Variants in MAD1L1 observed in about 807,000 individuals in gnomAD.
MAD1L1 encodes mitotic arrest deficient 1 like 1, also known as mitotic spindle assembly checkpoint protein MAD1.
MAD1L1 carries 95 observed loss-of-function variants against 96.9 expected under a neutral mutation model. That is an observed-to-expected ratio of 0.98 (90% CI 0.83 to 1.16). The LOEUF (loss-of-function observed/expected upper bound fraction) is 1.16, where lower values mean the gene tolerates loss of function less well. Ranked by LOEUF, MAD1L1 falls within the 50% of genes most tolerant of loss-of-function variation. The probability of loss-of-function intolerance (pLI) is 0.00; values close to 1 mark genes in which losing one functional copy is unlikely to be tolerated. For missense variants in MAD1L1, 1,007 were observed against 954.4 expected (o/e 1.06, Z -0.73); for synonymous variants, 473 against 396.6 (o/e 1.19, Z -2.29).
At chr7:2,109,780 T>C (rs1409374150) in intron 11 of MAD1L1, among the ~76,000 whole-genome samples, 2 of 152,258 alleles carry the variant, frequency 1.3e-5, no homozygotes, top group Non-Finnish European at 2.9e-5. Flanking sequence ...AATGTTGCCA[T>C]TACAAGTGCT....
At chr7:1,907,574 G>A (rs1214668249) in intron 17 of MAD1L1, among the ~76,000 whole-genome samples, 1 of 152,220 alleles carries the variant, frequency 6.6e-6, no homozygotes, top group African/African-American at 2.4e-5. Context: ...CACGGGGCCA[G>A]GAGGAAGGGA....
Position 2,072,386 on chromosome 7 carries a change from C to G in MAD1L1, c.1074-3048G>C, listed in dbSNP as rs1785175280. On this transcript the variant is annotated intron_variant, in intron 11 of 18. Coordinates refer to ENST00000265854, the MANE Select transcript of MAD1L1 (RefSeq NM_001013836.2). ...CGCCTCGGAAAGCCCTACACTGACA[C>G]TGGCCCCAGGTGCAGCACTGGCCAG... is the stretch of plus-strand genomic sequence containing the variant. 1.3e-5 allele frequency among the ~76,000 whole-genome samples: 2 copies of G among 152,254 alleles called. 1 individual carries two copies. Among genetic ancestry groups the G allele is most frequent in the South Asian group, 4.1e-4 (2 of 4,834 alleles).
intron 18 of MAD1L1, among the ~76,000 whole-genome samples, chr7:1,881,129 T>G (rs574386255): frequency 6.6e-6 from 1 of 152,288 alleles, no homozygotes; most frequent in Admixed American, 6.5e-5. Flanking sequence ...GACAAAGTCC[T>G]CCCAGCTCTG....
intron 16 of MAD1L1, among the ~76,000 whole-genome samples, chr7:1,938,269 C>T (rs1021915433): frequency 6.6e-6 from 1 of 151,638 alleles, no homozygotes; most frequent in African/African-American, 2.4e-5. Context: ...AAACAACAGC[C>T]GCCCACGGCA....
intron 10 of MAD1L1, among the ~76,000 whole-genome samples, chr7:2,203,399 G>A (rs1432385662): frequency 3.9e-5 from 6 of 152,234 alleles, no homozygotes; most frequent in East Asian, 1.9e-4. Context: ...ATTAGGTGAC[G>A]GCAGTCACAC....
At chr7:2,123,696 T>G (rs539085111) in intron 11 of MAD1L1, among the ~76,000 whole-genome samples, 1 of 152,180 alleles carries the variant, frequency 6.6e-6, no homozygotes, top group East Asian at 1.9e-4. Context: ...CAATTAAGCC[T>G]GTTTCAGAGT....
At chr7:2,004,755 T>C (rs1311773657) in intron 13 of MAD1L1, among the ~76,000 whole-genome samples, 1 of 152,244 alleles carries the variant, frequency 6.6e-6, no homozygotes, top group Non-Finnish European at 1.5e-5. Context: ...GATGTGTGTC[T>C]GAAGACAAGT....
intron 11 of MAD1L1, among the ~76,000 whole-genome samples, chr7:2,082,221 T>C (rs141851113): frequency 0.024 from 3,659 of 151,250 alleles, 67 homozygotes; most frequent in Non-Finnish European, 0.038. Context: ...GTGAGGGGGC[T>C]GTGCACATCC....
intron 17 of MAD1L1, among the ~76,000 whole-genome samples, chr7:1,898,902 A>G (rs57939460): frequency 0.058 from 8,764 of 152,210 alleles, 586 homozygotes; most frequent in African/African-American, 0.16. Flanking sequence ...CTGACCATCC[A>G]TTCCCAGGTT....
At chr7:1,885,616 T>C (rs1176873857) in intron 18 of MAD1L1, among the ~76,000 whole-genome samples, 2 of 152,158 alleles carry the variant, frequency 1.3e-5, no homozygotes, top group African/African-American at 4.8e-5. Flanking sequence ...GGCTCCCAAA[T>C]GTCCGGCCTT....
intron 18 of MAD1L1, among the ~76,000 whole-genome samples, chr7:1,879,675 G>GC (rs1785574162): frequency 1.3e-5 from 2 of 152,220 alleles, no homozygotes; most frequent in African/African-American, 4.8e-5. Flanking sequence ...ATTCAGGATA[G>GC]CAGCACAAGG....
chr7:2,104,205 G>A (rs1301232159), intron 11 of MAD1L1, among the ~76,000 whole-genome samples: 8 of 152,194 alleles, frequency 5.3e-5, no homozygotes, highest in African/African-American at 1.2e-4. Flanking sequence ...AGCAGATAGC[G>A]GCAAACTCCT....
At chr7:1,871,025 C>G (rs148725722) in intron 18 of MAD1L1, among the ~76,000 whole-genome samples, 2,590 of 145,920 alleles carry the variant, frequency 0.018, 75 homozygotes, top group Middle Eastern at 0.03. Flanking sequence ...CCACGCTGAA[C>G]CTAACATACG....
chr7:1,905,243 G>A (rs1445358878), intron 17 of MAD1L1, among the ~76,000 whole-genome samples: 24 of 84,762 alleles, frequency 2.8e-4, no homozygotes, highest in Admixed American at 4.1e-4. Flanking sequence ...TCCAGGCAGC[G>A]AGGACGCAGT....
At chr7:1,938,742 GCACGCACA>G (rs1337322634) in intron 16 of MAD1L1, among the ~76,000 whole-genome samples, 3 of 134,152 alleles carry the variant, frequency 2.2e-5, no homozygotes, top group Non-Finnish European at 3.3e-5. Context: ...CCAGAGGCGC[GCACGCACA>G]CACACACACA....
At chr7:2,162,029 G>C (rs868475238) in intron 10 of MAD1L1, among the ~76,000 whole-genome samples, 14 of 151,240 alleles carry the variant, frequency 9.3e-5, no homozygotes, top group Middle Eastern at 3.4e-3. Flanking sequence ...CATCCACCCG[G>C]CCGCCCCGTC....
chr7:2,195,981 C>T (rs1007238394), intron 10 of MAD1L1, among the ~76,000 whole-genome samples: 1 of 152,256 alleles, frequency 6.6e-6, no homozygotes, highest in African/African-American at 2.4e-5. Flanking sequence ...CTTTCAGTGC[C>T]AGCATCGGGC....
intron 12 of MAD1L1, among the ~76,000 whole-genome samples, chr7:2,051,489 G>A (rs1027126981): frequency 1.3e-5 from 2 of 152,270 alleles, no homozygotes; most frequent in South Asian, 4.1e-4. Context: ...AGAGCCACGT[G>A]GCTCAGCAGG....
chr7:2,101,702 T>G (rs1300655936), intron 11 of MAD1L1, among the ~76,000 whole-genome samples: 1 of 152,148 alleles, frequency 6.6e-6, no homozygotes, highest in African/African-American at 2.4e-5. Context: ...TTCCCTCAAC[T>G]TACCAAAGTG....
Sources: allele counts gnomAD v4.1 joint callset (sites outside exome capture counted in the v4.1 genomes callset), GRCh38; gene constraint gnomAD v4.1.1; transcripts MANE v1.5; gene names NCBI Gene and HGNC (gene_info 2026-07-23, HGNC 2026-07-21).